ARHGEF18: variants seen among roughly 807,000 people sequenced by gnomAD.
ARHGEF18 encodes rho guanine nucleotide exchange factor 18.
In ARHGEF18, 93 loss-of-function variants were observed where a neutral mutation model predicts 155.7. The ratio of observed to expected loss-of-function variants is 0.60; its 90% confidence interval spans 0.50 to 0.71. The LOEUF (loss-of-function observed/expected upper bound fraction) is 0.71. Ranked by LOEUF, ARHGEF18 falls within the 30% of genes least tolerant of loss-of-function variation. The probability of loss-of-function intolerance (pLI) is 0.00; values close to 1 mark genes in which losing one functional copy is unlikely to be tolerated. For synonymous variants in ARHGEF18, 742 were observed against 753.1 expected (o/e 0.99, Z 0.24); for missense variants, 1,593 against 1,816.1 (o/e 0.88, Z 2.23).
intron 1 of ARHGEF18, among the ~76,000 whole-genome samples, chr19:7,352,562 C>A (rs4804531): frequency 0.6 from 67,904 of 113,878 alleles, 21,381 homozygotes; most frequent in Middle Eastern, 0.8. Context: ...GAGATGGAAT[C>A]TCACTCTGTC....
At position 7,456,394 on chromosome 19, in the gene ARHGEF18, T is replaced by G. The variant is rs776189269; in HGVS notation, c.2172T>G (p.Phe724Leu). Residue 724 changes from phenylalanine to leucine, a missense_variant, in exon 18 of 29, where the codon TTT becomes TTG. Transcript: ENST00000668164. ...AAGAAAAAGATCAGAAATACGTCTT[T>G]GCTTCTGTGGTATGTATCCTGTCTC... ...LLQEKDQKYV[F>L]ASVDSKPPVI... 6.2e-7 allele frequency: 1 copy of G among 1,613,952 alleles called. No individual in the cohort carries two copies. The highest frequency in any genetic ancestry group is 8.5e-7 in the Non-Finnish European group (1 of 1,179,942).
At position 7,440,135 on chromosome 19, in the gene ARHGEF18, G is replaced by GCA. The variant is rs1352288425; in HGVS notation, c.968-206_968-205dup. ...ATGCGCACTCCAAAAGCGGGGACAG[G>GCA]CACAGCGCGCTCCCCGGCCGCCCCG... On this transcript the variant is annotated intron_variant, in intron 10 of 28. Transcript: ENST00000668164. The surrounding 1 kb of genome is among the most constrained non-coding windows in gnomAD (Gnocchi z 5.4). 1.9e-6 allele frequency: 3 copies of GCA among 1,551,106 alleles called. No individual in the cohort carries two copies. Among genetic ancestry groups the GCA allele is most frequent in the Non-Finnish European group, 2.6e-6 (3 of 1,146,934 alleles).
At position 7,444,223 on chromosome 19, in the gene ARHGEF18, G is replaced by C; in HGVS notation, c.1380G>C (p.Val460=). The change falls in exon 14 of 29, where the codon GTG becomes GTC. Residue 460 remains valine, a synonymous_variant. Coordinates refer to ENST00000668164, the MANE Select transcript of ARHGEF18 (RefSeq NM_001367823.1). The surrounding 1 kb of genome is among the most constrained non-coding windows in gnomAD (Gnocchi z 4.7). ...CTGCAGAGCTGATGCAGACAGAGGT[G>C]CACCACGTGCGGACGCTCAAGATCA... ...DVLYELMQTE[V]HHVRTLKIML... 6.2e-7 allele frequency: 1 copy of C among 1,613,400 alleles called. No individual in the cohort carries two copies. The highest frequency in any genetic ancestry group is 8.5e-7 in the Non-Finnish European group (1 of 1,179,976).
rs150534865 is a variant in ARHGEF18 at position 7,429,019 on chromosome 19, G to T, written c.968-11325G>T. On this transcript the variant is annotated intron_variant, in intron 10 of 28. Coordinates refer to ENST00000668164, the MANE Select transcript of ARHGEF18 (RefSeq NM_001367823.1). ...CTGTAAAGGAAGCCCGCAGGCCTAG[G>T]CCACGGGCCCGAGGGCAGGGGCACG... Among the ~76,000 whole-genome samples, 63 of 152,360 alleles carry T rather than the reference G, an allele frequency of 4.1e-4. 1 individual carries two copies. The highest frequency in any genetic ancestry group is 1.4e-3 in the African/African-American group (60 of 41,590).
chr19:7,406,909 A>C (rs1019389355), intron 10 of ARHGEF18, among the ~76,000 whole-genome samples: 16 of 151,576 alleles, frequency 1.1e-4, no homozygotes, highest in East Asian at 3.9e-4. Context: ...ACAAAAAAAA[A>C]CAAAAATTAG....
chr19:7,361,548 C>T (rs1446108147), intron 1 of ARHGEF18, among the ~76,000 whole-genome samples: 1 of 152,176 alleles, frequency 6.6e-6, no homozygotes, highest in African/African-American at 2.4e-5. Context: ...AACACACATC[C>T]GTGCAATTGC....
intron 10 of ARHGEF18, chr19:7,383,470 G>A (rs940479272): frequency 2.5e-6 from 1 of 399,868 alleles, no homozygotes; most frequent in Admixed American, 4.4e-5. Context: ...AGCCGTGTAT[G>A]AGTTTGCTAG....
At chr19:7,459,198 A>G (rs974376266) in intron 19 of ARHGEF18, among the ~76,000 whole-genome samples, 1 of 152,114 alleles carries the variant, frequency 6.6e-6, no homozygotes, top group Non-Finnish European at 1.5e-5. Context: ...GGCGTGAGCC[A>G]CTGCGCCCAG....
intron 10 of ARHGEF18, among the ~76,000 whole-genome samples, chr19:7,410,421 CAT>C (rs1972607148): frequency 6.6e-6 from 1 of 151,520 alleles, no homozygotes; most frequent in African/African-American, 2.4e-5. Flanking sequence ...TACACACACA[CAT>C]ATGTATATAA....
rs115242455 is a variant in ARHGEF18, at chr19:7,469,426, G to A, written c.3787+295G>A. 9.9e-3 allele frequency among the ~76,000 whole-genome samples: 1,515 copies of A among 152,292 alleles called. 29 individuals carry two copies. Among genetic ancestry groups the A allele is most frequent in the African/African-American group, 0.035 (1,448 of 41,558 alleles). On this transcript the variant is annotated intron_variant, in intron 27 of 28. Coordinates refer to ENST00000668164, the MANE Select transcript of ARHGEF18 (RefSeq NM_001367823.1). Reference sequence around the variant, plus strand: ...CAAGAAGGCAGAGATCCCTGGCCACGTGGGATCAGCACAGCCGGGACAGGG... The same window carrying A: ...CAAGAAGGCAGAGATCCCTGGCCACATGGGATCAGCACAGCCGGGACAGGG...
rs535840544 is a variant in ARHGEF18, at chr19:7,446,909, A to G, written c.1612-134A>G. 596 of 1,118,410 alleles carry G rather than the reference A, an allele frequency of 5.3e-4. 1 individual carries two copies. Among genetic ancestry groups the G allele is most frequent in the African/African-American group, 9.0e-4 (53 of 59,174 alleles). 69.3% of individuals were successfully genotyped at this position (1,118,410 alleles called of 1,614,324 possible). On this transcript the variant is annotated intron_variant, in intron 14 of 28. Transcript: ENST00000668164. ...AGATGCTGTCTCAAAAAAAAAAAAA[A>G]AAGAAGAAGAAAGAAAGAAAATGGA... is the stretch of plus-strand genomic sequence containing the variant.
chr19:7,459,937 C>A lies in ARHGEF18; in HGVS notation c.2395C>A (p.Pro799Thr). 1 of 1,589,378 alleles carries A rather than the reference C, an allele frequency of 6.3e-7. No homozygotes were observed. Among genetic ancestry groups the A allele is most frequent in the Non-Finnish European group, 8.6e-7 (1 of 1,167,892 alleles). ...PDEEEGPFSL[P>T]EEERKVVEAR... ...CGAGGAGGAGGGGCCCTTCAGCCTG[C>A]CCGAAGAGGAAAGGAAGGTGGTCGA... The change falls in exon 20 of 29, where the codon CCC becomes ACC. Residue 799 changes from proline to threonine, a missense_variant. Coordinates refer to ENST00000668164, the MANE Select transcript of ARHGEF18 (RefSeq NM_001367823.1).
chr19:7,478,981 A>G, the ARHGEF18 span, among the ~76,000 whole-genome samples: 2 of 152,226 alleles, frequency 1.3e-5, no homozygotes, highest in African/African-American at 4.8e-5. Context: ...CACCCGGGCC[A>G]GTCCACCAGG....
At chr19:7,469,695 G>A (rs541508310) in intron 27 of ARHGEF18, among the ~76,000 whole-genome samples, 39 of 152,290 alleles carry the variant, frequency 2.6e-4, no homozygotes, top group Middle Eastern at 6.8e-3. Flanking sequence ...CAGATGCCGG[G>A]TGACTCTGCA....
intron 10 of ARHGEF18, among the ~76,000 whole-genome samples, chr19:7,405,948 A>G (rs1197252125): frequency 6.6e-6 from 1 of 152,132 alleles, no homozygotes; most frequent in East Asian, 1.9e-4. Context: ...ATTGGCACTC[A>G]TTTCTTAGGC....
At chr19:7,478,924 G>A in the ARHGEF18 span, among the ~76,000 whole-genome samples, 1 of 152,172 alleles carries the variant, frequency 6.6e-6, no homozygotes, top group Non-Finnish European at 1.5e-5. Context: ...GCTACCCAGT[G>A]GGCAGCCTCT....
Position 7,463,427 on chromosome 19 carries a change from T to C in ARHGEF18, c.2636-391T>C, listed in dbSNP as rs1976411927. On this transcript the variant is annotated intron_variant, in intron 21 of 28. Transcript: ENST00000668164. The surrounding 1 kb of genome is among the most constrained non-coding windows in gnomAD (Gnocchi z 5.2). ...CAAAGTCACTCTCCCATATGGCCAT[T>C]GTCACACAATCAGTGTATGGTCATT... is the stretch of plus-strand genomic sequence containing the variant. Among the ~76,000 whole-genome samples the C allele has an allele frequency of 6.6e-6, 1 of 152,150 alleles. No homozygotes were observed.
chr19:7,352,822 C>T (rs1432157905), intron 1 of ARHGEF18, among the ~76,000 whole-genome samples: 16 of 134,980 alleles, frequency 1.2e-4, no homozygotes, highest in Non-Finnish European at 2.0e-4. Context: ...TGTGAGTCGC[C>T]GTGCCTGGCC....
chr19:7,420,821 A>G (rs73921413), intron 10 of ARHGEF18, among the ~76,000 whole-genome samples: 23,456 of 152,212 alleles, frequency 0.15, 3,791 homozygotes, highest in African/African-American at 0.41. Flanking sequence ...CCCGTCGTGG[A>G]GAGGAGACGT....
Sources: allele counts gnomAD v4.1 joint callset (sites outside exome capture counted in the v4.1 genomes callset), GRCh38; gene constraint gnomAD v4.1.1; non-coding constraint Gnocchi (gnomAD v3.1); transcripts MANE v1.5; gene names NCBI Gene and HGNC (gene_info 2026-07-23, HGNC 2026-07-21).